The following GRAMD2A variants were observed in gnomAD, a reference collection of about 807,000 sequenced individuals.
GRAMD2A encodes the protein GRAM domain-containing protein 2A.
Under a neutral mutation model 51.1 loss-of-function variants are expected in GRAMD2A, and 37 were observed. The ratio of observed to expected loss-of-function variants is 0.72; its 90% CI spans 0.56 to 0.95. The LOEUF (loss-of-function observed/expected upper bound fraction) is 0.95. Ranked by LOEUF, GRAMD2A falls within the 40% of genes least tolerant of loss-of-function variation. The pLI, the probability that GRAMD2A is intolerant of heterozygous loss-of-function variation, is 0.00. For synonymous variants in GRAMD2A, 136 were observed against 157.1 expected (o/e 0.87, Z 1.01); for missense variants, 414 against 426.9 (o/e 0.97, Z 0.27).
chr15:72,160,760 G>A lies in GRAMD2A; in HGVS notation c.*1249C>T, dbSNP rs1716626340. The A allele has an allele frequency of 6.6e-6, 1 of 152,454 alleles. No individual in the cohort carries two copies. Among genetic ancestry groups the A allele is most frequent in the African/African-American group, 2.4e-5 (1 of 41,458 alleles). The allele number at this position is 152,454 out of a possible 1,614,324, so 9.4% of individuals were successfully genotyped here. A position where few individuals can be genotyped will look rare whatever the true frequency, so the allele number is the denominator to read the frequency against. ...GGCCAGAGTTGTGGGACACAGAGAA[G>A]AAGAGAAGGCCTTGATAGAGGAAGA... is the stretch of plus-strand genomic sequence containing the variant. On this transcript the variant is annotated 3_prime_UTR_variant, in exon 12 of 12. Coordinates refer to ENST00000309731, the MANE Select transcript of GRAMD2A (RefSeq NM_001012642.3).
intron 1 of GRAMD2A, among the ~76,000 whole-genome samples, chr15:72,196,261 A>C (rs1450080274): frequency 6.6e-6 from 1 of 152,158 alleles, no homozygotes; most frequent in Non-Finnish European, 1.5e-5. Flanking sequence ...AGTCCCTGTA[A>C]TGCTAGCACT....
chr15:72,168,995 G>T lies in GRAMD2A; in HGVS notation c.136C>A (p.Leu46Met). 1 of 1,614,010 alleles carries T rather than the reference G, an allele frequency of 6.2e-7. No homozygotes were observed. Among genetic ancestry groups the T allele is most frequent in the South Asian group, 1.1e-5 (1 of 91,082 alleles). ...CCCTTCAAGCCTTCTGGCCAGTGCA[G>T]ACTGCAAAGGAGACATTCCATTTCG... ...DRVEEPPDYSLHWPEGLKGEE... is the reference protein window; with the variant it reads ...DRVEEPPDYSMHWPEGLKGEE... Residue 46 changes from leucine to methionine, a missense_variant and splice_region_variant, in exon 3 of 12, where the codon CTG (leucine) becomes ATG (methionine). Leu to Met is a conservative substitution (Grantham distance 15, BLOSUM62 2). Transcript: ENST00000309731.
chr15:72,171,835 A>AT (rs143285493), intron 1 of GRAMD2A, among the ~76,000 whole-genome samples: 88,840 of 144,362 alleles, frequency 0.62, 28,633 homozygotes, highest in Middle Eastern at 0.74. Flanking sequence ...TGGCTTTTTT[A>AT]TTTTTTTTTT....
At chr15:72,162,198 C>G in intron 11 of GRAMD2A, 75 bp downstream of exon 11, 2 of 1,389,194 alleles carry the variant, frequency 1.4e-6, no homozygotes, top group Non-Finnish European at 2.0e-6. Flanking sequence ...TCCAGCCAGG[C>G]AGCCTGGCCT....
chr15:72,190,409 T>G (rs145665028), intron 1 of GRAMD2A, among the ~76,000 whole-genome samples: 3 of 152,140 alleles, frequency 2.0e-5, no homozygotes, highest in African/African-American at 7.2e-5. Flanking sequence ...AATACCTAAA[T>G]GGACCACCTT....
Position 72,163,747 on chromosome 15 carries a change from A to G in GRAMD2A, c.611T>C (p.Ile204Thr), listed in dbSNP as rs2081508872. 6.2e-7 allele frequency: 1 copy of G among 1,609,868 alleles called. No individual in the cohort carries two copies. The highest frequency in any genetic ancestry group is 1.7e-5 in the Admixed American group (1 of 58,628). ...TACCTTTCTCCACTTCATCTCAGGG[A>G]TGAGGACTTCCTGCAGTAAGACAGG... ...SGEPESLEVLIPEMKWRKVCP... is the reference protein window; with the variant it reads ...SGEPESLEVLTPEMKWRKVCP... The change falls in exon 9 of 12, where the codon ATC becomes ACC. Residue 204 changes from isoleucine (I) to threonine (T), a missense_variant. Ile to Thr is a moderately conservative substitution (Grantham distance 89). Coordinates refer to ENST00000309731, the MANE Select transcript of GRAMD2A (RefSeq NM_001012642.3).
At chr15:72,186,168 G>C (rs1012070210) in intron 1 of GRAMD2A, among the ~76,000 whole-genome samples, 2 of 152,014 alleles carry the variant, frequency 1.3e-5, no homozygotes, top group African/African-American at 4.8e-5. Context: ...TATTTTATCA[G>C]TAAACACTAA....
At position 72,168,964 on chromosome 15, in the gene GRAMD2A, T is replaced by G. The variant is rs766757411; in HGVS notation, c.167A>C (p.Glu56Ala). The G allele has an allele frequency of 6.2e-7, 1 of 1,614,202 alleles. No individual in the cohort carries two copies. The highest frequency in any genetic ancestry group is 1.1e-5 in the South Asian group (1 of 91,084). ...LHWPEGLKGEEIKKCGREGIT... is the reference protein window; with the variant it reads ...LHWPEGLKGEAIKKCGREGIT... ...CCCTTCTCGGCCACACTTCTTTATC[T>G]CTTCACCCTTCAAGCCTTCTGGCCA... The change falls in exon 3 of 12, where the codon GAG becomes GCG. Residue 56 changes from glutamate to alanine, a missense_variant. Transcript: ENST00000309731.
Position 72,170,075 on chromosome 15 carries a change from G to A in GRAMD2A, c.42-136C>T. The A allele has an allele frequency of 1.3e-6, 1 of 757,078 alleles. No individual in the cohort carries two copies. The highest frequency in any genetic ancestry group is 1.4e-5 in the South Asian group (1 of 71,950). The allele number at this position is 757,078 out of a possible 1,614,324, so 46.9% of individuals were successfully genotyped here. A position where few individuals can be genotyped will look rare whatever the true frequency, so the allele number is the denominator to read the frequency against. ...TGATATTGAGGGTGACACTGAAAAT[G>A]TCACAGTTCAGAGGCAGCAGCGCAG... On this transcript the variant is annotated intron_variant, in intron 1 of 11. Transcript: ENST00000309731. This position sits in a 1 kb window ranked among gnomAD's most constrained non-coding sequence, Gnocchi z 4.5.
At chr15:72,192,558 T>C (rs2081775608) in intron 1 of GRAMD2A, among the ~76,000 whole-genome samples, 1 of 152,184 alleles carries the variant, frequency 6.6e-6, no homozygotes, top group Admixed American at 6.5e-5. Context: ...CAGTCACAGT[T>C]GTTTGGTCAG....
chr15:72,169,776 A>C, intron 2 of GRAMD2A, 71 bp downstream of exon 2: 1 of 1,281,020 alleles, frequency 7.8e-7, no homozygotes, highest in Non-Finnish European at 1.1e-6. Context: ...TCCTCTTACA[A>C]ACAGGTCACT....
chr15:72,190,489 C>T (rs2081761001), intron 1 of GRAMD2A, among the ~76,000 whole-genome samples: 1 of 152,186 alleles, frequency 6.6e-6, no homozygotes, highest in Non-Finnish European at 1.5e-5. Flanking sequence ...AACTGGATCT[C>T]CACTGCTGGT....
At chr15:72,197,167 C>G (rs1001632099) in intron 1 of GRAMD2A, among the ~76,000 whole-genome samples, 1 of 152,106 alleles carries the variant, frequency 6.6e-6, no homozygotes, top group Non-Finnish European at 1.5e-5. Context: ...CCAGCCCGCC[C>G]GACCGGGATG....
chr15:72,168,524 T>TA lies in GRAMD2A; in HGVS notation c.234dup (p.Lys79Ter), dbSNP rs1431912403. The TA allele has an allele frequency of 6.2e-7, 1 of 1,613,864 alleles. No homozygotes were observed. Among genetic ancestry groups the TA allele is most frequent in the East Asian group, 2.2e-5 (1 of 44,888 alleles). ...ACCACTTCCTCCAAGGGAACATCCT[T>TA]AAACAGCTTGTGGTATTGCTGGTTG... On this transcript the variant is annotated frameshift_variant, in exon 4 of 12. Transcript: ENST00000309731. LOFTEE classifies it high-confidence loss of function.
At chr15:72,172,791 G>A (rs543657037) in intron 1 of GRAMD2A, among the ~76,000 whole-genome samples, 1 of 152,212 alleles carries the variant, frequency 6.6e-6, no homozygotes, top group South Asian at 2.1e-4. Context: ...GTTTTCCCCA[G>A]TTTGTCGTTT....
intron 1 of GRAMD2A, among the ~76,000 whole-genome samples, chr15:72,188,689 AT>A (rs754066790): frequency 6.1e-5 from 9 of 147,204 alleles, no homozygotes; most frequent in South Asian, 2.1e-4. Flanking sequence ...CTTTGCCTCA[AT>A]TTTTTTTTTT....
At position 72,168,473 on chromosome 15, in the gene GRAMD2A, T is replaced by A. The variant is rs201152374; in HGVS notation, c.268+18A>T. The A allele has an allele frequency of 5.6e-6, 9 of 1,604,356 alleles. No homozygotes were observed. The highest frequency in any genetic ancestry group is 7.7e-6 in the Non-Finnish European group (9 of 1,171,494). On this transcript the variant is annotated intron_variant, in intron 4 of 11. Transcript: ENST00000309731. ...GGCACTCTGGGTGCCTAACCAGCTA[T>A]ACCGGGAGACAGCTCACCTTTGAGA...
intron 1 of GRAMD2A, among the ~76,000 whole-genome samples, chr15:72,194,716 C>A (rs984264574): frequency 6.6e-6 from 1 of 151,892 alleles, no homozygotes; most frequent in Non-Finnish European, 1.5e-5. Flanking sequence ...GAGACAGAGT[C>A]TCACTCTGTC....
chr15:72,185,195 T>G (rs4777491), intron 1 of GRAMD2A, among the ~76,000 whole-genome samples: 124,983 of 143,098 alleles, frequency 0.87, 54,467 homozygotes, highest in Middle Eastern at 0.94. Context: ...TCCAGTTTTT[T>G]TTTTTTTTTT....
Sources: gnomAD v4.1 joint callset for allele counts (sites outside exome capture counted in the v4.1 genomes callset) on GRCh38, gnomAD v4.1.1 for gene constraint, Gnocchi (gnomAD v3.1) non-coding constraint, MANE v1.5 for transcripts, NCBI Gene and HGNC (gene_info 2026-07-23, HGNC 2026-07-21) for gene names.